The following ZNF69 variants were observed in gnomAD, a reference collection of about 807,000 sequenced individuals.
ZNF69 encodes zinc finger protein 69, also known as ZNF3.
A neutral mutation model predicts 50.9 loss-of-function variants in ZNF69; 47 were observed. That is an observed-to-expected ratio of 0.92 (90% CI 0.73 to 1.18). ZNF69 has a LOEUF of 1.18. Among genes scored for constraint, ZNF69 ranks in the 50% most tolerant of loss-of-function variants. ZNF69 has a pLI of 0.00. For missense variants in ZNF69, 717 were observed against 675.1 expected, an observed-to-expected ratio of 1.06 and a Z score of -0.69; for synonymous variants, 216 against 223.1, an observed-to-expected ratio of 0.97 and a Z score of 0.29.
downstream of ZNF69, among the ~76,000 whole-genome samples, chr19:11,911,346 T>C (rs1294808848): frequency 6.6e-6 from 1 of 152,190 alleles, no homozygotes; most frequent in African/African-American, 2.4e-5. Context: ...GGATTATAAA[T>C]CATGCTGCTA....
the ZNF69 span, among the ~76,000 whole-genome samples, chr19:11,968,851 T>C: frequency 5.3e-5 from 8 of 152,094 alleles, 1 homozygote; most frequent in Admixed American, 5.2e-4. Flanking sequence ...AGACCCCATC[T>C]CAATTGTGAA....
rs771214690 is a variant in ZNF69 at position 11,904,968 on chromosome 19, C to T, written c.571C>T (p.Pro191Ser). 2 of 1,614,170 alleles carry T rather than the reference C, an allele frequency of 1.2e-6. No individual in the cohort carries two copies. Among genetic ancestry groups the T allele is most frequent in the South Asian group, 1.1e-5 (1 of 91,086 alleles). ...TPQRDHTGEK[P>S]YACKECGKTF... Reference sequence around the variant, plus strand: ...ACAAAGGGATCACACTGGAGAGAAACCCTATGCTTGTAAAGAATGTGGAAA... The same window carrying T: ...ACAAAGGGATCACACTGGAGAGAAATCCTATGCTTGTAAAGAATGTGGAAA... The change falls in exon 4 of 4, where the codon CCC becomes TCC. Residue 191 changes from proline to serine, a missense_variant. Pro to Ser is a moderately conservative substitution (Grantham distance 74, BLOSUM62 -1). Transcript: ENST00000429654.
At chr19:11,974,614 G>T in the ZNF69 span, among the ~76,000 whole-genome samples, 20 of 150,548 alleles carry the variant, frequency 1.3e-4, no homozygotes, top group Admixed American at 4.0e-4. Flanking sequence ...TTTTTGGGCG[G>T]GGGGGTGGGG....
At chr19:11,956,819 A>C in the ZNF69 span, among the ~76,000 whole-genome samples, 2 of 152,166 alleles carry the variant, frequency 1.3e-5, no homozygotes, top group Non-Finnish European at 2.9e-5. Flanking sequence ...ACACCATTGC[A>C]CTTCAGATTG....
At chr19:11,918,512 C>T (rs1203161817), downstream of ZNF69, among the ~76,000 whole-genome samples, 1 of 152,102 alleles carries the variant, frequency 6.6e-6, no homozygotes, top group African/African-American at 2.4e-5. Context: ...TAATTTGAGA[C>T]ATCCTTGCTC....
chr19:11,950,442 T>C, the ZNF69 span: 2 of 734,368 alleles, frequency 2.7e-6, no homozygotes, highest in Non-Finnish European at 4.8e-6. Flanking sequence ...TTCAATGTCA[T>C]GAAAGGACTC....
At chr19:11,910,168 A>T (rs553825272), downstream of ZNF69, among the ~76,000 whole-genome samples, 5 of 152,302 alleles carry the variant, frequency 3.3e-5, no homozygotes, top group East Asian at 9.6e-4. Flanking sequence ...AACGAAATCA[A>T]AGAGGACACA....
chr19:11,917,698 G>A (rs1413165014), downstream of ZNF69, among the ~76,000 whole-genome samples: 29 of 151,674 alleles, frequency 1.9e-4, no homozygotes, highest in Admixed American at 1.6e-3. Context: ...GATCAGTGGC[G>A]TGATCTCGGC....
the ZNF69 span, chr19:11,949,651 A>G: frequency 1.2e-6 from 2 of 1,613,962 alleles, no homozygotes; most frequent in Non-Finnish European, 1.7e-6. Context: ...CCAATGTGGT[A>G]AAGCCTTCAG....
the ZNF69 span, among the ~76,000 whole-genome samples, chr19:11,936,250 G>C: frequency 6.6e-6 from 1 of 152,154 alleles, no homozygotes; most frequent in Non-Finnish European, 1.5e-5. Flanking sequence ...CTAGATCCTT[G>C]AGGAATCGCC....
chr19:11,947,889 T>C, the ZNF69 span, among the ~76,000 whole-genome samples: 1 of 152,058 alleles, frequency 6.6e-6, no homozygotes, highest in East Asian at 1.9e-4. Context: ...GCATCGGTAG[T>C]CCCAGCTACT....
the ZNF69 span, among the ~76,000 whole-genome samples, chr19:11,961,357 C>A: frequency 3.3e-5 from 5 of 152,204 alleles, no homozygotes; most frequent in Non-Finnish European, 5.9e-5. Flanking sequence ...ATTCCCCAAG[C>A]TCCAGAACTG....
At chr19:11,977,422 G>A in the ZNF69 span, 77 of 1,613,850 alleles carry the variant, frequency 4.8e-5, no homozygotes, top group Middle Eastern at 6.6e-4. Flanking sequence ...AACCCCAGGA[G>A]AAACTTCAGG....
chr19:11,904,383 A>G (rs934260157), intron 3 of ZNF69, among the ~76,000 whole-genome samples: 1 of 152,232 alleles, frequency 6.6e-6, no homozygotes, highest in Non-Finnish European at 1.5e-5. Flanking sequence ...CCTAAATAAA[A>G]GAAAAATGAC....
At chr19:11,900,357 CTTTT>C (rs933407423) in intron 1 of ZNF69, among the ~76,000 whole-genome samples, 1 of 142,232 alleles carries the variant, frequency 7.0e-6, no homozygotes. Flanking sequence ...AAAGATTGGG[CTTTT>C]TTTTTTTTTG....
the ZNF69 span, among the ~76,000 whole-genome samples, chr19:11,938,015 T>A: frequency 6.6e-6 from 1 of 152,192 alleles, no homozygotes; most frequent in South Asian, 2.1e-4. Flanking sequence ...ACACTACTCA[T>A]AAATGGGCTA....
the ZNF69 span, chr19:11,965,132 G>C: frequency 6.2e-6 from 10 of 1,603,132 alleles, no homozygotes; most frequent in Non-Finnish European, 8.5e-6. Flanking sequence ...GGTTTCTATC[G>C]CTCTGTCTCC....
At chr19:11,948,999 A>G in the ZNF69 span, 53 of 1,607,434 alleles carry the variant, frequency 3.3e-5, no homozygotes, top group Non-Finnish European at 3.9e-5. Flanking sequence ...GTAGACATGA[A>G]AGGACCCACT....
the ZNF69 span, among the ~76,000 whole-genome samples, chr19:11,971,253 G>A: frequency 6.6e-6 from 1 of 152,148 alleles, no homozygotes; most frequent in East Asian, 1.9e-4. Context: ...TCATCTTGTG[G>A]TTTCTTCACA....
Sources: gnomAD v4.1 joint callset for allele counts (sites outside exome capture counted in the v4.1 genomes callset) on GRCh38, gnomAD v4.1.1 for gene constraint, MANE v1.5 for transcripts, NCBI Gene and HGNC (gene_info 2026-07-23, HGNC 2026-07-21) for gene names.